The following CTTNBP2 variants were observed in gnomAD, a reference collection of about 807,000 sequenced individuals.
CTTNBP2 encodes cortactin binding protein 2.
In CTTNBP2, 108 loss-of-function variants were observed where a neutral mutation model predicts 156.9. The ratio of observed to expected loss-of-function variants is 0.69; its 90% confidence interval spans 0.59 to 0.81. The LOEUF (loss-of-function observed/expected upper bound fraction) is 0.81. Ranked by LOEUF, CTTNBP2 falls within the 30% of genes least tolerant of loss-of-function variation. CTTNBP2 has a pLI of 0.00. For missense variants in CTTNBP2, 1,924 were observed against 2,035.4 expected (o/e 0.95, Z 1.05); for synonymous variants, 767 against 751.8 (o/e 1.02, Z -0.33).
At chr7:117,823,533 C>G (rs574312708) in intron 2 of CTTNBP2, among the ~76,000 whole-genome samples, 1 of 152,136 alleles carries the variant, frequency 6.6e-6, no homozygotes, top group African/African-American at 2.4e-5. Flanking sequence ...AATAAAATTG[C>G]TAAAGCAGGT....
At chr7:117,857,932 A>G (rs1247607534) in intron 2 of CTTNBP2, among the ~76,000 whole-genome samples, 5 of 152,230 alleles carry the variant, frequency 3.3e-5, no homozygotes, top group African/African-American at 9.6e-5. Context: ...TGAATATCCC[A>G]GGGAACACTC....
chr7:117,811,967 TAAC>T (rs1267185814), intron 2 of CTTNBP2, among the ~76,000 whole-genome samples: 2 of 150,914 alleles, frequency 1.3e-5, no homozygotes, highest in African/African-American at 4.9e-5. Flanking sequence ...TAAAAATAAA[TAAC>T]AATATTCGTA....
Position 117,725,296 on chromosome 7 carries a change from C to T in CTTNBP2, c.4056-39G>A, listed in dbSNP as rs562184001. 3.2e-6 allele frequency: 5 copies of T among 1,564,690 alleles called. No individual in the cohort carries two copies. The East Asian group carries it at 6.7e-5, about 21-fold the overall frequency. On this transcript the variant is annotated intron_variant, in intron 17 of 22. Coordinates refer to ENST00000160373, the MANE Select transcript of CTTNBP2 (RefSeq NM_033427.3). ...GACCGATTCATCCCTTAGGAGCAGG[C>T]TTCTCAATAATTATACACAATTCCG...
chr7:117,749,714 T>A (rs1343601267), intron 12 of CTTNBP2, among the ~76,000 whole-genome samples: 1 of 152,170 alleles, frequency 6.6e-6, no homozygotes, highest in Non-Finnish European at 1.5e-5. Flanking sequence ...TTTTTATTTT[T>A]TTTTTAATCA....
intron 2 of CTTNBP2, among the ~76,000 whole-genome samples, chr7:117,837,720 G>A (rs1191953927): frequency 3.9e-5 from 6 of 152,092 alleles, no homozygotes; most frequent in Admixed American, 1.3e-4. Context: ...TGTTTTGACT[G>A]TGATCCATCC....
At chr7:117,779,092 C>T (rs1471291184) in intron 7 of CTTNBP2, among the ~76,000 whole-genome samples, 1 of 152,136 alleles carries the variant, frequency 6.6e-6, no homozygotes, top group Admixed American at 6.6e-5. Flanking sequence ...GACAATGGTG[C>T]TCCAATCAGG....
intron 8 of CTTNBP2, among the ~76,000 whole-genome samples, chr7:117,768,538 C>T (rs1797628846): frequency 8.5e-6 from 1 of 117,100 alleles, no homozygotes; most frequent in African/African-American, 3.5e-5. Context: ...TGCATTCCAG[C>T]CTGGGTGACA....
At chr7:117,808,951 A>G (rs1237428027) in intron 3 of CTTNBP2, among the ~76,000 whole-genome samples, 1 of 152,182 alleles carries the variant, frequency 6.6e-6, no homozygotes, top group Non-Finnish European at 1.5e-5. Context: ...CTAAAATATA[A>G]TATTTTTTAA....
At chr7:117,760,210 T>A in intron 10 of CTTNBP2, 2 of 547,024 alleles carry the variant, frequency 3.7e-6, no homozygotes, top group Non-Finnish European at 3.2e-6. Context: ...GGCTTTCATG[T>A]TTTTTACTCT....
chr7:117,794,349 C>T (rs1799197519), intron 3 of CTTNBP2, among the ~76,000 whole-genome samples: 1 of 152,150 alleles, frequency 6.6e-6, no homozygotes, highest in Non-Finnish European at 1.5e-5. Flanking sequence ...TGAAATGTTC[C>T]ACTGGCGGTC....
chr7:117,716,292 A>C (rs905322323), intron 22 of CTTNBP2, among the ~76,000 whole-genome samples: 1 of 151,780 alleles, frequency 6.6e-6, no homozygotes, highest in South Asian at 2.1e-4. Context: ...GTGACAGAGA[A>C]ATAGGGGTAT....
At chr7:117,798,816 T>C (rs1799460215) in intron 3 of CTTNBP2, among the ~76,000 whole-genome samples, 2 of 151,982 alleles carry the variant, frequency 1.3e-5, no homozygotes, top group African/African-American at 2.4e-5. Flanking sequence ...GCTAAATATG[T>C]AGAAAACCAG....
Position 117,793,377 on chromosome 7 carries a change from G to A in CTTNBP2, c.415-596C>T, listed in dbSNP as rs1799142231. 2.6e-5 allele frequency: 4 copies of A among 152,240 alleles called. No individual in the cohort carries two copies. The South Asian group carries it at 6.2e-4, about 24-fold the overall frequency. 9.4% of individuals were successfully genotyped at this position (152,240 alleles called of 1,614,324 possible). A position where few individuals can be genotyped will look rare whatever the true frequency, so the allele number is the denominator to read the frequency against. On this transcript the variant is annotated intron_variant, in intron 3 of 22. Transcript: ENST00000160373. Reference sequence around the variant, plus strand: ...AAAGAGCTAAAGAACGATCTTATTAGAACTACATTTGGTGTCAGTGAACCT... The same window carrying A: ...AAAGAGCTAAAGAACGATCTTATTAAAACTACATTTGGTGTCAGTGAACCT...
chr7:117,836,631 C>T (rs1441866715), intron 2 of CTTNBP2, among the ~76,000 whole-genome samples: 2 of 152,202 alleles, frequency 1.3e-5, no homozygotes, highest in East Asian at 3.8e-4. Context: ...AGAAATACGT[C>T]ACTCTTGTAC....
At chr7:117,808,708 G>T (rs549216709) in intron 3 of CTTNBP2, among the ~76,000 whole-genome samples, 1 of 152,138 alleles carries the variant, frequency 6.6e-6, no homozygotes, top group East Asian at 1.9e-4. Context: ...TAAAATAATG[G>T]ATTTTTTTTC....
chr7:117,821,328 G>GGT (rs1800950095), intron 2 of CTTNBP2, among the ~76,000 whole-genome samples: 1 of 149,108 alleles, frequency 6.7e-6, no homozygotes, highest in African/African-American at 2.5e-5. Context: ...TGGCTGTGTG[G>GGT]TTTTTTTTTT....
chr7:117,721,577 T>C (rs937310997), intron 19 of CTTNBP2, among the ~76,000 whole-genome samples: 2 of 152,252 alleles, frequency 1.3e-5, no homozygotes, highest in African/African-American at 4.8e-5. Flanking sequence ...AGTATAGTTT[T>C]TGATATGTGG....
At chr7:117,719,689 G>C in intron 20 of CTTNBP2, 53 bp from the exon 21 acceptor site, 1 of 1,528,938 alleles carries the variant, frequency 6.5e-7, no homozygotes, top group South Asian at 1.2e-5. Context: ...TTCCCAATTT[G>C]GAAATCTAGA....
rs1051893112 is a variant in CTTNBP2 at position 117,719,666 on chromosome 7, A to T, written c.4512-30T>A. 1.9e-6 allele frequency: 3 copies of T among 1,590,774 alleles called. No individual in the cohort carries two copies. In the African/African-American group the frequency reaches 4.0e-5, roughly 21 times the overall value. ...CACAAAGTTCAGAAAAACGTTTTTC[A>T]AAGTGAGAACAATTCCCAATTTGGA... On this transcript the variant is annotated intron_variant, in intron 20 of 22. Coordinates refer to ENST00000160373, the MANE Select transcript of CTTNBP2 (RefSeq NM_033427.3).
Sources: gnomAD v4.1 joint callset for allele counts (sites outside exome capture counted in the v4.1 genomes callset) on GRCh38, gnomAD v4.1.1 for gene constraint, MANE v1.5 for transcripts, NCBI Gene and HGNC (gene_info 2026-07-23, HGNC 2026-07-21) for gene names.